Variants in TFPI observed in about 807,000 individuals in gnomAD.
The protein encoded by TFPI is anti-convertin.
In TFPI, 15 loss-of-function variants were observed where a neutral mutation model predicts 34.6. The observed-to-expected ratio is 0.43, with a 90% CI of 0.29 to 0.67. The LOEUF (loss-of-function observed/expected upper bound fraction) is 0.67. Ranked by LOEUF, TFPI falls within the 30% of genes least tolerant of loss-of-function variation. The pLI, the probability that TFPI is intolerant of heterozygous loss-of-function variation, is 0.15. For synonymous variants in TFPI, 105 were observed against 120.1 expected, an observed-to-expected ratio of 0.87 and a Z score of 0.82; for missense variants, 301 against 364.0, an observed-to-expected ratio of 0.83 and a Z score of 1.41.
chr2:187,466,929 A>T lies in TFPI; in HGVS notation c.*7T>A, dbSNP rs1368246201. 6.3e-6 allele frequency: 9 copies of T among 1,419,414 alleles called. No homozygotes were observed. Among genetic ancestry groups the T allele is most frequent in the Non-Finnish European group, 8.8e-6 (9 of 1,018,544 alleles). The allele number at this position is 1,419,414 out of a possible 1,614,324, so 87.9% of individuals were successfully genotyped here. ...AGTAGAATTAATGTTACATTGCTATAACAAATTCACATATTTTTAACAAAA... is the reference window on the plus strand; with the variant it reads ...AGTAGAATTAATGTTACATTGCTATTACAAATTCACATATTTTTAACAAAA... On this transcript the variant is annotated 3_prime_UTR_variant, in exon 8 of 8. Coordinates refer to ENST00000233156, the MANE Select transcript of TFPI (RefSeq NM_006287.6).
chr2:187,522,098 G>C (rs1293634074), intron 1 of TFPI, among the ~76,000 whole-genome samples: 1 of 152,044 alleles, frequency 6.6e-6, no homozygotes, highest in Non-Finnish European at 1.5e-5. Context: ...AGTTGAAGGA[G>C]TTCCTTATGT....
chr2:187,474,376 A>G (rs191549850), intron 6 of TFPI, among the ~76,000 whole-genome samples: 1 of 152,154 alleles, frequency 6.6e-6, no homozygotes, highest in Admixed American at 6.5e-5. Flanking sequence ...ACTCCAGGCT[A>G]TCTGGAGAAC....
chr2:187,479,557 A>ATC, intron 6 of TFPI, among the ~76,000 whole-genome samples: 1 of 91,480 alleles, frequency 1.1e-5, no homozygotes, highest in Non-Finnish European at 2.3e-5. Flanking sequence ...ATATATATAT[A>ATC]TATATATATA....
At chr2:187,544,393 TTAAAA>T (rs1688740083) in intron 1 of TFPI, 1 of 152,088 alleles carries the variant, frequency 6.6e-6, no homozygotes, top group Non-Finnish European at 1.5e-5. Context: ...TTTACACAGA[TTAAAA>T]TAAAATATGG....
intron 6 of TFPI, among the ~76,000 whole-genome samples, chr2:187,472,863 T>C (rs1428587638): frequency 1.3e-5 from 2 of 151,808 alleles, no homozygotes; most frequent in Non-Finnish European, 2.9e-5. Context: ...AATACAAAAA[T>C]TAGCTGGGCG....
intron 1 of TFPI, among the ~76,000 whole-genome samples, chr2:187,543,015 G>GTTAACAAA (rs1688665819): frequency 6.6e-6 from 1 of 152,140 alleles, no homozygotes; most frequent in South Asian, 2.1e-4. Flanking sequence ...TAACTGGACA[G>GTTAACAAA]AGATAAAGAA....
rs1036569080 is a variant in TFPI at position 187,464,437 on chromosome 2, A to T, written c.*2499T>A. On this transcript the variant is annotated 3_prime_UTR_variant, in exon 8 of 8. Coordinates refer to ENST00000233156, the MANE Select transcript of TFPI (RefSeq NM_006287.6). ...AATAAAGGAAGACAATAACATCAAG[A>T]TCTTTTTCCAAAACACGGTAAAAAT... 4 of 152,176 alleles carry T rather than the reference A, an allele frequency of 2.6e-5. No individual in the cohort carries two copies. The highest frequency in any genetic ancestry group is 9.6e-5 in the African/African-American group (4 of 41,452). The allele number at this position is 152,176 out of a possible 1,614,324, so 9.4% of individuals were successfully genotyped here.
chr2:187,534,166 CT>C (rs1688121831), intron 1 of TFPI, among the ~76,000 whole-genome samples: 1 of 152,162 alleles, frequency 6.6e-6, no homozygotes, highest in African/African-American at 2.4e-5. Flanking sequence ...TCCAGGAGAA[CT>C]TCCCCAACCT....
intron 2 of TFPI, among the ~76,000 whole-genome samples, chr2:187,501,885 TA>T (rs765121287): frequency 6.6e-6 from 1 of 152,230 alleles, no homozygotes; most frequent in East Asian, 1.9e-4. Context: ...ATTTGACTGT[TA>T]AAAAAATCAT....
chr2:187,515,080 ATGGGGCCCTGGC>A (rs1159189992), intron 1 of TFPI: 2 of 152,218 alleles, frequency 1.3e-5, no homozygotes, highest in East Asian at 3.9e-4. Flanking sequence ...GACCCAGACC[ATGGGGCCCTGGC>A]TGGGGCCAGT....
chr2:187,473,360 G>A (rs367884456), intron 6 of TFPI, among the ~76,000 whole-genome samples: 54 of 151,786 alleles, frequency 3.6e-4, no homozygotes, highest in African/African-American at 1.2e-3. Flanking sequence ...TATATTGTTC[G>A]GGCTCCTCCA....
chr2:187,547,931 GTGAC>G (rs1165482965), intron 1 of TFPI, among the ~76,000 whole-genome samples: 2 of 151,988 alleles, frequency 1.3e-5, no homozygotes, highest in African/African-American at 4.8e-5. Flanking sequence ...TCTGGGAATG[GTGAC>G]CAGAGATTTG....
rs377749028 is a variant in TFPI at position 187,465,643 on chromosome 2, T to C, written c.*1293A>G. The stretch of plus-strand genomic sequence containing the variant: ...TATGAGGGAAAACAGGAAATCTAAA[T>C]TGAGTTCAAAATTTCAATCCTGAAG... On this transcript the variant is annotated 3_prime_UTR_variant, in exon 8 of 8. Transcript: ENST00000233156. 6 of 149,610 alleles carry C rather than the reference T, an allele frequency of 4.0e-5. No homozygotes were observed. Among genetic ancestry groups the C allele is most frequent in the East Asian group, 3.9e-4 (2 of 5,100 alleles). The allele number at this position is 149,610 out of a possible 1,614,324, so 9.3% of individuals were successfully genotyped here. A position where few individuals can be genotyped will look rare whatever the true frequency, so the allele number is the denominator to read the frequency against.
intron 1 of TFPI, among the ~76,000 whole-genome samples, chr2:187,544,204 G>A (rs866798271): frequency 1.1e-4 from 17 of 152,064 alleles, no homozygotes; most frequent in South Asian, 2.1e-4. Flanking sequence ...GATGCTTAGG[G>A]GATGAGAGGA....
chr2:187,545,824 TAAAAC>T (rs1462607949), intron 1 of TFPI, among the ~76,000 whole-genome samples: 2 of 152,116 alleles, frequency 1.3e-5, no homozygotes, highest in Admixed American at 6.5e-5. Flanking sequence ...GAAATTTAAT[TAAAAC>T]AAAATCATTT....
intron 1 of TFPI, among the ~76,000 whole-genome samples, chr2:187,531,435 C>A (rs150773659): frequency 9.2e-5 from 14 of 151,934 alleles, no homozygotes; most frequent in Non-Finnish European, 1.6e-4. Flanking sequence ...TGTAATAATT[C>A]GTTTCTTTTT....
chr2:187,467,982 AGGTTTTC>A, intron 6 of TFPI, 50 bp from the exon 7 acceptor site: 1 of 1,457,106 alleles, frequency 6.9e-7, no homozygotes, highest in Non-Finnish European at 9.1e-7. Context: ...AGTGGATTTC[AGGTTTTC>A]GTATTGTATA....
intron 6 of TFPI, among the ~76,000 whole-genome samples, chr2:187,481,865 T>C (rs1319754408): frequency 6.6e-6 from 1 of 152,136 alleles, no homozygotes; most frequent in African/African-American, 2.4e-5. Context: ...GAATAAATTA[T>C]TGTTAATATT....
rs183505500 is a variant in TFPI at position 187,493,266 on chromosome 2, C to G, written c.319+3615G>C. Among the ~76,000 whole-genome samples the G allele has an allele frequency of 2.3e-3, 343 of 152,296 alleles. 1 individual carries two copies. The highest frequency in any genetic ancestry group is 4.0e-3 in the Non-Finnish European group (269 of 68,018). On this transcript the variant is annotated intron_variant, in intron 3 of 7. Coordinates refer to ENST00000233156, the MANE Select transcript of TFPI (RefSeq NM_006287.6). ...TGCCAAGGCTCGAGGCTTGCACCCT[C>G]TGAAGCTCTGGCCCTAGCTCTACGT...
Sources: allele counts gnomAD v4.1 joint callset (sites outside exome capture counted in the v4.1 genomes callset), GRCh38; gene constraint gnomAD v4.1.1; transcripts MANE v1.5; gene names NCBI Gene and HGNC (gene_info 2026-07-23, HGNC 2026-07-21).